The following JARID2 variants were observed in gnomAD, a reference collection of about 807,000 sequenced individuals.
The protein encoded by JARID2 is protein Jumonji.
In JARID2, 21 loss-of-function variants were observed where a neutral mutation model predicts 125.6. That is an observed-to-expected ratio of 0.17 (90% confidence interval 0.12 to 0.24). JARID2 has a LOEUF of 0.24. JARID2 is among the 10% of genes least tolerant of loss of function. The pLI, the probability that JARID2 is intolerant of heterozygous loss-of-function variation, is 1.00. For missense variants in JARID2, 1,303 were observed against 1,639.6 expected (o/e 0.79, Z 3.55); for synonymous variants, 736 against 661.6 (o/e 1.11, Z -1.73).
chr6:15,308,092 G>T (rs1444138534), intron 1 of JARID2, among the ~76,000 whole-genome samples: 1 of 152,182 alleles, frequency 6.6e-6, no homozygotes, highest in Non-Finnish European at 1.5e-5. Flanking sequence ...CTGAAAGGGT[G>T]CAGGGAATAC....
At chr6:15,515,738 C>G (rs1200264320) in intron 16 of JARID2, among the ~76,000 whole-genome samples, 2 of 144,830 alleles carry the variant, frequency 1.4e-5, no homozygotes, top group African/African-American at 5.0e-5. Flanking sequence ...GACAGAGTGA[C>G]AACCTGTCTC....
chr6:15,282,616 C>G (rs1057496522), intron 1 of JARID2, among the ~76,000 whole-genome samples: 1 of 151,548 alleles, frequency 6.6e-6, no homozygotes, highest in African/African-American at 2.4e-5. Context: ...CTTCTCTTCT[C>G]TTTTCTTTCC....
rs780366539 is a variant in JARID2 at position 15,504,509 on chromosome 6, G to A, written c.2458G>A (p.Val820Ile). 3 of 1,613,242 alleles carry A rather than the reference G, an allele frequency of 1.9e-6. No homozygotes were observed. The highest frequency in any genetic ancestry group is 2.5e-6 in the Non-Finnish European group (3 of 1,179,164). Residue 820 changes from valine to isoleucine, a missense_variant, in exon 9 of 18, where the codon GTT becomes ATT. Around this residue, in one of 11 missense-constraint regions of JARID2, gnomAD observed 29 missense variants for 47.7 expected, o/e 0.61. Coordinates refer to ENST00000341776, the MANE Select transcript of JARID2 (RefSeq NM_004973.4). ...TTTTGTTTTGTTTCAGGGAAGGTCT[G>A]TTTCTCTAACAACTTTTTATCGAAC... is the stretch of plus-strand genomic sequence containing the variant. ...FHKCIYKGRS[V>I]SLTTFYRTAR...
chr6:15,445,413 A>G (rs916985028), intron 3 of JARID2, among the ~76,000 whole-genome samples: 2 of 152,136 alleles, frequency 1.3e-5, no homozygotes, highest in Admixed American at 1.3e-4. Context: ...TTTAACAACA[A>G]ACAATGAAGA....
chr6:15,373,363 C>CTGTT (rs2127514423), intron 1 of JARID2, among the ~76,000 whole-genome samples: 1 of 152,232 alleles, frequency 6.6e-6, no homozygotes, highest in African/African-American at 2.4e-5. Context: ...TCTGGGCTGG[C>CTGTT]TGTTTGTTTT....
chr6:15,517,144 CCTG>C lies in JARID2; in HGVS notation c.3451-14_3451-12del. The C allele has an allele frequency of 1.9e-6, 3 of 1,597,528 alleles. No homozygotes were observed. Among genetic ancestry groups the C allele is most frequent in the Non-Finnish European group, 2.6e-6 (3 of 1,165,030 alleles). On this transcript the variant is annotated splice_polypyrimidine_tract_variant and intron_variant, in intron 16 of 17. Transcript: ENST00000341776. The stretch of plus-strand genomic sequence containing the variant: ...GAGCTGCCTCCTGACCTTCGGGTGT[CCTG>C]CTCTTGCTTGCAGGTGGTACAAGAG...
At chr6:15,478,416 C>T (rs1769453248) in intron 5 of JARID2, among the ~76,000 whole-genome samples, 1 of 152,076 alleles carries the variant, frequency 6.6e-6, no homozygotes, top group South Asian at 2.1e-4. Context: ...ATAGAGAGGG[C>T]CGACTGTATT....
intron 2 of JARID2, among the ~76,000 whole-genome samples, chr6:15,396,262 A>C (rs545788462): frequency 1.3e-5 from 2 of 152,230 alleles, no homozygotes; most frequent in African/African-American, 2.4e-5. Flanking sequence ...GAATACATGT[A>C]GGTAGCCCTG....
intron 3 of JARID2, among the ~76,000 whole-genome samples, chr6:15,428,367 CCATT>C (rs747327134): frequency 2.6e-5 from 4 of 151,842 alleles, no homozygotes; most frequent in Non-Finnish European, 4.4e-5. Context: ...TGTGCTGCAC[CCATT>C]AACTCATCAT....
At chr6:15,427,381 T>C (rs1766773618) in intron 3 of JARID2, among the ~76,000 whole-genome samples, 1 of 152,220 alleles carries the variant, frequency 6.6e-6, no homozygotes, top group Non-Finnish European at 1.5e-5. Flanking sequence ...CATTTGTTTA[T>C]TTTCTAGAAA....
chr6:15,443,163 G>A (rs958335642), intron 3 of JARID2, among the ~76,000 whole-genome samples: 1 of 151,972 alleles, frequency 6.6e-6, no homozygotes, highest in African/African-American at 2.4e-5. Context: ...AAGTGTCTGC[G>A]AGCAAGAATG....
intron 6 of JARID2, among the ~76,000 whole-genome samples, chr6:15,489,602 A>G (rs1399724770): frequency 6.6e-6 from 1 of 152,244 alleles, no homozygotes. Context: ...GAGGAACAGA[A>G]AGTACTGCCT....
intron 5 of JARID2, among the ~76,000 whole-genome samples, chr6:15,484,627 A>G (rs762197351): frequency 2.0e-5 from 3 of 152,206 alleles, no homozygotes; most frequent in African/African-American, 2.4e-5. Context: ...TCCCCAGTCT[A>G]TAGATGGGAA....
At chr6:15,368,141 C>T (rs1253686177) in intron 1 of JARID2, among the ~76,000 whole-genome samples, 1 of 152,020 alleles carries the variant, frequency 6.6e-6, no homozygotes, top group Non-Finnish European at 1.5e-5. Context: ...ACCTTTTTGT[C>T]TTGTAAAGCA....
chr6:15,394,274 C>G (rs999079356), intron 2 of JARID2, among the ~76,000 whole-genome samples: 3 of 152,122 alleles, frequency 2.0e-5, no homozygotes, highest in Non-Finnish European at 4.4e-5. Flanking sequence ...TGAGACACAG[C>G]TTACTCTTTG....
chr6:15,280,177 C>G (rs1760696584), intron 1 of JARID2, among the ~76,000 whole-genome samples: 1 of 152,120 alleles, frequency 6.6e-6, no homozygotes, highest in African/African-American at 2.4e-5. Context: ...CATGCTGTTG[C>G]TCCTGCTGCA....
chr6:15,520,029 T>TA, intron 17 of JARID2, 40 bp from the exon 18 acceptor site: 2 of 1,562,164 alleles, frequency 1.3e-6, no homozygotes, highest in Non-Finnish European at 1.7e-6. Context: ...CTCTTGTTAA[T>TA]ACGGTATGTT....
At chr6:15,391,342 A>G (rs1210467691) in intron 2 of JARID2, among the ~76,000 whole-genome samples, 1 of 152,014 alleles carries the variant, frequency 6.6e-6, no homozygotes. Context: ...TAGGAGGGGT[A>G]CCCCACAGAC....
chr6:15,286,092 G>A (rs576163118), intron 1 of JARID2, among the ~76,000 whole-genome samples: 1 of 152,156 alleles, frequency 6.6e-6, no homozygotes, highest in African/African-American at 2.4e-5. Flanking sequence ...CCAGGCTGGA[G>A]TGCAGTAGCG....
Sources: gnomAD v4.1 joint callset for allele counts (sites outside exome capture counted in the v4.1 genomes callset) on GRCh38, gnomAD v4.1.1 for gene constraint, gnomAD v4.1.1 regional missense constraint, MANE v1.5 for transcripts, NCBI Gene and HGNC (gene_info 2026-07-23, HGNC 2026-07-21) for gene names.